ULBP3: variants seen among roughly 807,000 people sequenced by gnomAD.
ULBP3 encodes the protein UL16 binding protein 3, also known as UL16-binding protein 3.
ULBP3 carries 25 observed loss-of-function variants against 24.9 expected under a neutral mutation model. The observed-to-expected ratio is 1.00, with a 90% CI of 0.73 to 1.40. ULBP3 has a LOEUF of 1.40. ULBP3 is among the 40% of genes most tolerant of loss of function. The probability of loss-of-function intolerance (pLI) is 0.00; values close to 1 mark genes in which losing one functional copy is unlikely to be tolerated. For missense variants in ULBP3, 306 were observed against 307.5 expected (o/e 1.00, Z 0.04); for synonymous variants, 114 against 114.7 (o/e 0.99, Z 0.04).
At chr6:150,068,182 G>T (rs1776374732) in intron 1 of ULBP3, among the ~76,000 whole-genome samples, 1 of 152,076 alleles carries the variant, frequency 6.6e-6, no homozygotes, top group African/African-American at 2.4e-5. Context: ...TTCAGGGAGG[G>T]TCCCTGAATG....
At position 150,064,569 on chromosome 6, in the gene ULBP3, GT is replaced by G; in HGVS notation, c.*22+15del. 1 of 1,607,620 alleles carries G rather than the reference GT, an allele frequency of 6.2e-7. No individual in the cohort carries two copies. Among genetic ancestry groups the G allele is most frequent in the Non-Finnish European group, 8.5e-7 (1 of 1,174,404 alleles). On this transcript the variant is annotated intron_variant, in intron 4 of 4. Coordinates refer to ENST00000367339, the MANE Select transcript of ULBP3 (RefSeq NM_024518.3). ...CCATCTGTCTCTCGTTCCCCTCACA[GT>G]TTTGCCCACAGTACCTGTCACTCTA...
rs748024043 is a variant in ULBP3 at position 150,065,501 on chromosome 6, C to T, written c.525G>A (p.Lys175=). 3.1e-6 allele frequency: 5 copies of T among 1,614,182 alleles called. No homozygotes were observed. In the South Asian group the frequency reaches 4.4e-5, roughly 14 times the overall value. Residue 175 remains lysine (K), a synonymous_variant, in exon 3 of 5, where the codon AAG becomes AAA. Coordinates refer to ENST00000367339, the MANE Select transcript of ULBP3 (RefSeq NM_024518.3). The part of the protein sequence containing the change: ...GARRMKEKWE[K]DSGLTTFFKM... ...TGAAGAAGGTGGTCAGTCCGCTATC[C>T]TTCTCCCACTTCTCTTTCATCCGCC...
intron 1 of ULBP3, among the ~76,000 whole-genome samples, chr6:150,068,652 C>G (rs1331725724): frequency 6.6e-6 from 1 of 152,250 alleles, no homozygotes; most frequent in Non-Finnish European, 1.5e-5. Context: ...TCCGGGGGCT[C>G]TGGTTTCTCC....
intron 3 of ULBP3, 133 bp downstream of exon 3, chr6:150,065,259 ACACACT>A (rs906825777): frequency 9.5e-5 from 118 of 1,248,644 alleles, no homozygotes; most frequent in African/African-American, 2.1e-4. Context: ...TCACTCAAAC[ACACACT>A]CACACTCACA....
At chr6:150,068,857 G>T in intron 1 of ULBP3, 122 bp downstream of exon 1, 2 of 1,029,800 alleles carry the variant, frequency 1.9e-6, no homozygotes, top group African/African-American at 1.6e-5. Flanking sequence ...AACTGAGCGT[G>T]GGGGCAGTCC....
chr6:150,062,898 C>G lies in ULBP3; in HGVS notation c.*476G>C, dbSNP rs181900050. The stretch of plus-strand genomic sequence containing the variant: ...CAGGTGGATCATGAGGTCAGGAGAT[C>G]GAGACCATCCTGGCTAACAAGGTGA... On this transcript the variant is annotated 3_prime_UTR_variant, in exon 5 of 5. Transcript: ENST00000367339. 6.6e-6 allele frequency among the ~76,000 whole-genome samples: 1 copy of G among 151,338 alleles called. No homozygotes were observed. The highest frequency in any genetic ancestry group is 2.4e-5 in the African/African-American group (1 of 41,100).
intron 1 of ULBP3, among the ~76,000 whole-genome samples, chr6:150,067,961 C>T (rs1041690209): frequency 6.6e-6 from 1 of 152,156 alleles, no homozygotes; most frequent in Non-Finnish European, 1.5e-5. Flanking sequence ...AGGGCAGTGA[C>T]CACACAGCCT....
Position 150,065,624 on chromosome 6 carries a change from T to G in ULBP3, c.402A>C (p.Gly134=), listed in dbSNP as rs764410633. 28 of 1,614,086 alleles carry G rather than the reference T, an allele frequency of 1.7e-5. No homozygotes were observed. The highest frequency in any genetic ancestry group is 2.3e-5 in the Non-Finnish European group (27 of 1,180,038). ...VRMSCECEAD[G]YIRGSWQFSF... is the part of the protein sequence containing the mutation. ...TGAACTGCCAAGATCCACGGATGTA[T>G]CCATCGGCTTCACACTCACAAGACA... is the stretch of plus-strand genomic sequence containing the variant. Residue 134 remains glycine, a synonymous_variant, in exon 3 of 5, where the codon GGA becomes GGC. Transcript: ENST00000367339.
At position 150,065,465 on chromosome 6, in the gene ULBP3, T is replaced by G. The variant is rs2114792107; in HGVS notation, c.561A>C (p.Ser187=). The G allele has an allele frequency of 6.2e-7, 1 of 1,614,152 alleles. No homozygotes were observed. The highest frequency in any genetic ancestry group is 8.5e-7 in the Non-Finnish European group (1 of 1,179,988). The change falls in exon 3 of 5, where the codon TCA becomes TCC. Residue 187 remains serine (S), a synonymous_variant. Coordinates refer to ENST00000367339, the MANE Select transcript of ULBP3 (RefSeq NM_024518.3). ...TAAGCCAGCTCTTGCAGTCTCTCAT[T>G]GAGACCATCTTGAAGAAGGTGGTCA... The part of the protein sequence containing the change: ...SGLTTFFKMV[S]MRDCKSWLRD...
At chr6:150,068,870 G>C in intron 1 of ULBP3, 109 bp downstream of exon 1, 2 of 1,173,062 alleles carry the variant, frequency 1.7e-6, no homozygotes, top group African/African-American at 1.5e-5. Flanking sequence ...GGCAGTCCGG[G>C]GAGATCGCGC....
Position 150,065,451 on chromosome 6 carries a change from T to C in ULBP3, c.575A>G (p.Lys192Arg), listed in dbSNP as rs2114792074. ...CATCAGGAAGTCCCTAAGCCAGCTC[T>C]TGCAGTCTCTCATTGAGACCATCTT... ...FFKMVSMRDC[K>R]SWLRDFLMHR... Residue 192 changes from lysine (K) to arginine (R), a missense_variant, in exon 3 of 5, where the codon AAG (lysine) becomes AGG (arginine). By Grantham distance (26) the Lys-to-Arg change is conservative. Coordinates refer to ENST00000367339, the MANE Select transcript of ULBP3 (RefSeq NM_024518.3). 6.2e-7 allele frequency: 1 copy of C among 1,614,170 alleles called. No homozygotes were observed. Among genetic ancestry groups the C allele is most frequent in the Admixed American group, 1.7e-5 (1 of 60,022 alleles).
rs781112199 is a variant in ULBP3 at position 150,065,717 on chromosome 6, TCTTCCCTGTCCCACATC to T, written c.353-61_353-45del. 779 of 1,606,444 alleles carry T rather than the reference TCTTCCCTGTCCCACATC, an allele frequency of 4.8e-4. 5 individuals are homozygous for T. Among genetic ancestry groups the T allele is most frequent in the Non-Finnish European group, 9.4e-5 (110 of 1,175,578 alleles). On this transcript the variant is annotated intron_variant, in intron 2 of 4. Coordinates refer to ENST00000367339, the MANE Select transcript of ULBP3 (RefSeq NM_024518.3). ...GATCAGCCCTGGTGTTTACAAATTC[TCTTCCCTGTCCCACATC>T]CTCCTATGCTGAGACCATTCTCATC...
intron 1 of ULBP3, among the ~76,000 whole-genome samples, chr6:150,067,172 G>A (rs1776359205): frequency 6.6e-6 from 1 of 152,122 alleles, no homozygotes. Context: ...TGACCAGGAG[G>A]CTGAAAGTTG....
In ULBP3 at chr6:150,066,087, C is replaced by A; in HGVS notation, c.164G>T (p.Ser55Ile). The A allele has an allele frequency of 6.2e-7, 1 of 1,614,206 alleles. No individual in the cohort carries two copies. Among genetic ancestry groups the A allele is most frequent in the Non-Finnish European group, 8.5e-7 (1 of 1,180,044 alleles). Residue 55 changes from serine (S) to isoleucine (I), a missense_variant, in exon 2 of 5, where the codon AGC becomes ATC. Coordinates refer to ENST00000367339, the MANE Select transcript of ULBP3 (RefSeq NM_024518.3). ...GAGAAAATTCTTCTGATCCACCTGG[C>A]TCTGGACCTCACACCACTGTTGCCC... Reference protein sequence around the residue: ...RHGQQWCEVQSQVDQKNFLSY... With the variant: ...RHGQQWCEVQIQVDQKNFLSY...
chr6:150,063,839 C>T (rs1212052082), intron 4 of ULBP3, among the ~76,000 whole-genome samples: 3 of 152,072 alleles, frequency 2.0e-5, no homozygotes, highest in Admixed American at 1.3e-4. Flanking sequence ...GTGGTGACCA[C>T]GGACCTCTAG....
In ULBP3 at chr6:150,062,600, A is replaced by C. The variant is rs1776286581; in HGVS notation, c.*774T>G. On this transcript the variant is annotated 3_prime_UTR_variant, in exon 5 of 5. Transcript: ENST00000367339. Reference sequence around the variant, plus strand: ...GATTAATACAATTCTTGGTCAGTGCATGGAAAGGATCCCTGAGGTCTGAAG... The same window carrying C: ...GATTAATACAATTCTTGGTCAGTGCCTGGAAAGGATCCCTGAGGTCTGAAG... Among the ~76,000 whole-genome samples the C allele has an allele frequency of 6.6e-6, 1 of 152,212 alleles. No homozygotes were observed. The highest frequency in any genetic ancestry group is 1.5e-5 in the Non-Finnish European group (1 of 68,024).
At chr6:150,068,844 C>A in intron 1 of ULBP3, 135 bp downstream of exon 1, 2 of 913,722 alleles carry the variant, frequency 2.2e-6, no homozygotes, top group South Asian at 5.0e-5. Flanking sequence ...AGCAGCGAAT[C>A]GGAACTGAGC....
At chr6:150,066,711 G>A (rs1054707042) in intron 1 of ULBP3, among the ~76,000 whole-genome samples, 95 of 152,258 alleles carry the variant, frequency 6.2e-4, no homozygotes, top group African/African-American at 2.1e-3. Context: ...ACTAAGAGAA[G>A]TGCCCATGCC....
chr6:150,068,575 C>T (rs932453738), intron 1 of ULBP3, among the ~76,000 whole-genome samples: 4 of 152,230 alleles, frequency 2.6e-5, no homozygotes, highest in African/African-American at 9.6e-5. Context: ...GGTTTGCTGA[C>T]TCCTGTCTGC....
Sources: gnomAD v4.1 joint callset for allele counts (sites outside exome capture counted in the v4.1 genomes callset) on GRCh38, gnomAD v4.1.1 for gene constraint, MANE v1.5 for transcripts, NCBI Gene and HGNC (gene_info 2026-07-23, HGNC 2026-07-21) for gene names.